Variants in TENM2 observed in about 807,000 individuals in gnomAD.
TENM2 encodes teneurin-2.
Under a neutral mutation model 245.2 loss-of-function variants are expected in TENM2, and 52 were observed. The observed-to-expected ratio is 0.21, with a 90% CI of 0.17 to 0.27. TENM2 has a LOEUF of 0.27. Among genes scored for constraint, TENM2 ranks in the 10% least tolerant of loss-of-function variants. The pLI is 1.00. For missense variants in TENM2, 3,046 were observed against 3,666.8 expected, an observed-to-expected ratio of 0.83 and a Z score of 4.37; for synonymous variants, 1,363 against 1,438.9, an observed-to-expected ratio of 0.95 and a Z score of 1.19.
chr5:167,677,482 G>T (rs1756410239), intron 2 of TENM2, among the ~76,000 whole-genome samples: 2 of 151,350 alleles, frequency 1.3e-5, no homozygotes, highest in Non-Finnish European at 2.9e-5. Flanking sequence ...CAGAGCAAAA[G>T]GTTTGCTGTG....
intron 2 of TENM2, among the ~76,000 whole-genome samples, chr5:167,672,912 CAAAA>C (rs35274077): frequency 2.7e-5 from 3 of 110,854 alleles, no homozygotes; most frequent in Non-Finnish European, 2.1e-5. Flanking sequence ...TCAGGCAAAG[CAAAA>C]AAAAAAAAAA....
the TENM2 span, among the ~76,000 whole-genome samples, chr5:167,128,617 T>C: frequency 2.6e-5 from 4 of 152,058 alleles, no homozygotes; most frequent in Admixed American, 1.3e-4. Context: ...GCTCTACTTA[T>C]GGACACTTCA....
At chr5:167,848,279 A>C (rs1583175802) in intron 2 of TENM2, among the ~76,000 whole-genome samples, 2 of 152,174 alleles carry the variant, frequency 1.3e-5, no homozygotes, top group African/African-American at 4.8e-5. Context: ...CTTACCCTTC[A>C]ATTGAAAACC....
intron 2 of TENM2, among the ~76,000 whole-genome samples, chr5:167,814,453 C>CAAAAAAAAAAAAA (rs11324953): frequency 1.2e-5 from 1 of 83,930 alleles, no homozygotes. Context: ...CACTCCGATT[C>CAAAAAAAAAAAAA]AAAAAAAAAA....
the TENM2 span, among the ~76,000 whole-genome samples, chr5:167,229,602 A>G: frequency 6.6e-6 from 1 of 152,170 alleles, no homozygotes; most frequent in South Asian, 2.1e-4. Context: ...GTAGCAGCAC[A>G]TTGAGTGGGC....
At chr5:167,244,269 A>G in the TENM2 span, among the ~76,000 whole-genome samples, 1 of 152,202 alleles carries the variant, frequency 6.6e-6, no homozygotes, top group Admixed American at 6.5e-5. Context: ...GATAATAACT[A>G]TCATAATAGT....
At chr5:167,668,701 T>A (rs4463194) in intron 2 of TENM2, among the ~76,000 whole-genome samples, 45,589 of 152,172 alleles carry the variant, frequency 0.3, 9,111 homozygotes, top group East Asian at 0.91. Context: ...AAAACTGTAA[T>A]CCCAGAACTT....
At chr5:167,835,859 C>T (rs1768940165) in intron 2 of TENM2, among the ~76,000 whole-genome samples, 1 of 152,072 alleles carries the variant, frequency 6.6e-6, no homozygotes, top group African/African-American at 2.4e-5. Context: ...CACCCCTCCC[C>T]TTTTTAATGG....
At chr5:168,253,424 A>ATTTTTTTTTTTTTTTTTTTTTT (rs200574779) in intron 27 of TENM2, among the ~76,000 whole-genome samples, 1 of 139,840 alleles carries the variant, frequency 7.2e-6, no homozygotes, top group African/African-American at 2.7e-5. Context: ...TGCATTCATT[A>ATTTTTTTTTTTTTTTTTTTTTT]TTTTATTTTT....
chr5:167,966,195 G>C (rs1167420901), intron 4 of TENM2, among the ~76,000 whole-genome samples: 3 of 152,192 alleles, frequency 2.0e-5, no homozygotes, highest in Admixed American at 2.0e-4. Context: ...ATGATTTACG[G>C]GGAGAGGTTT....
At chr5:167,055,115 A>G in the TENM2 span, among the ~76,000 whole-genome samples, 1 of 152,076 alleles carries the variant, frequency 6.6e-6, no homozygotes, top group Admixed American at 6.6e-5. Context: ...TCAAGGTCAT[A>G]TAGATTTTTC....
intron 2 of TENM2, among the ~76,000 whole-genome samples, chr5:167,488,736 T>G (rs946229189): frequency 6.6e-6 from 1 of 151,844 alleles, no homozygotes; most frequent in East Asian, 1.9e-4. Context: ...TTACATGAGA[T>G]TTCCCTGATC....
intron 11 of TENM2, among the ~76,000 whole-genome samples, 172 bp downstream of exon 13, chr5:168,125,222 T>C (rs768802283): frequency 1.4e-4 from 22 of 152,220 alleles, no homozygotes; most frequent in African/African-American, 4.8e-4. Flanking sequence ...GTCTGTGATC[T>C]TTGAGAAACA....
chr5:167,167,820 A>T, the TENM2 span, among the ~76,000 whole-genome samples: 1 of 152,204 alleles, frequency 6.6e-6, no homozygotes, highest in Admixed American at 6.5e-5. Context: ...CAGAAAACAC[A>T]CAATGAATGA....
chr5:168,128,148 C>T (rs1489442740), intron 12 of TENM2, among the ~76,000 whole-genome samples: 2 of 152,242 alleles, frequency 1.3e-5, no homozygotes, highest in African/African-American at 4.8e-5. Flanking sequence ...ATCAGGGCCA[C>T]GACCATAGCA....
intron 2 of TENM2, among the ~76,000 whole-genome samples, chr5:167,756,499 G>T (rs909814934): frequency 6.6e-6 from 1 of 152,094 alleles, no homozygotes; most frequent in Non-Finnish European, 1.5e-5. Context: ...ACAAAGTGAT[G>T]GTTCCACAGT....
intron 13 of TENM2, among the ~76,000 whole-genome samples, chr5:168,173,719 T>C (rs1294587715): frequency 1.3e-5 from 2 of 152,130 alleles, no homozygotes; most frequent in Admixed American, 1.3e-4. Context: ...AGATGCTCTG[T>C]CTGGTGGGAG....
At chr5:167,122,904 T>C in the TENM2 span, among the ~76,000 whole-genome samples, 563 of 152,232 alleles carry the variant, frequency 3.7e-3, 7 homozygotes, top group African/African-American at 0.013. Flanking sequence ...AATTCACAAA[T>C]TGATATTGAT....
intron 2 of TENM2, among the ~76,000 whole-genome samples, chr5:167,723,906 T>C (rs1225992193): frequency 1.3e-5 from 2 of 152,314 alleles, no homozygotes; most frequent in Admixed American, 1.3e-4. Context: ...GGAACGTGAA[T>C]CTAATGTAAA....
Sources: allele counts gnomAD v4.1 joint callset (sites outside exome capture counted in the v4.1 genomes callset), GRCh38; gene constraint gnomAD v4.1.1; transcripts MANE v1.5; gene names NCBI Gene and HGNC (gene_info 2026-07-23, HGNC 2026-07-21).